The following RALGAPA1 variants were observed in gnomAD, a reference collection of about 807,000 sequenced individuals.
RALGAPA1 encodes ral GTPase-activating protein subunit alpha-1.
RALGAPA1 carries 52 observed loss-of-function variants against 269.6 expected under a neutral mutation model. The ratio of observed to expected loss-of-function variants is 0.19; its 90% CI spans 0.15 to 0.24. The LOEUF (loss-of-function observed/expected upper bound fraction) is 0.24, where lower values mean the gene tolerates loss of function less well. Among genes scored for constraint, RALGAPA1 ranks in the 10% least tolerant of loss-of-function variants. The probability of loss-of-function intolerance (pLI) is 1.00; values close to 1 mark genes in which losing one functional copy is unlikely to be tolerated. For missense variants in RALGAPA1, 1,917 were observed against 3,013.9 expected (o/e 0.64, Z 8.52); for synonymous variants, 817 against 1,008.3 (o/e 0.81, Z 3.60).
At chr14:35,609,032 C>T (rs2059759475) in intron 35 of RALGAPA1, among the ~76,000 whole-genome samples, 1 of 152,118 alleles carries the variant, frequency 6.6e-6, no homozygotes, top group South Asian at 2.1e-4. Context: ...CGAGATCATC[C>T]TGGCTAACAC....
chr14:35,678,780 T>C (rs1595104365), intron 21 of RALGAPA1, among the ~76,000 whole-genome samples: 2 of 152,184 alleles, frequency 1.3e-5, no homozygotes, highest in South Asian at 4.1e-4. Flanking sequence ...TAGAGTATTA[T>C]TGCATCATAC....
chr14:35,740,685 G>A (rs1418551258), intron 11 of RALGAPA1, among the ~76,000 whole-genome samples: 1 of 152,132 alleles, frequency 6.6e-6, no homozygotes, highest in Non-Finnish European at 1.5e-5. Flanking sequence ...GCGAGTGCCT[G>A]TAGTCCCAGC....
rs1395183450 is a variant in RALGAPA1 at position 35,627,670 on chromosome 14, C to A, written c.6277G>T (p.Gly2093Cys). 1 of 1,576,088 alleles carries A rather than the reference C, an allele frequency of 6.3e-7. No homozygotes were observed. Among genetic ancestry groups the A allele is most frequent in the Non-Finnish European group, 8.6e-7 (1 of 1,162,036 alleles). Residue 2093 changes from glycine (G) to cysteine (C), a missense_variant, in exon 34 of 42, where the codon GGC (glycine) becomes TGC (cysteine). Around this residue, in one of 11 missense-constraint regions of RALGAPA1, gnomAD observed 346 missense variants for 566.1 expected, o/e 0.61. Coordinates refer to ENST00000680220, the MANE Select transcript of RALGAPA1 (RefSeq NM_001346249.2). Reference protein sequence around the residue: ...ENMPGGGLSAGLASANSNVRI... With the variant: ...ENMPGGGLSACLASANSNVRI... ...ACATTTGAATTGGCTGATGCAAGGCCAGCAGATAAACCTCCTCCAGGCATA... is the reference window on the plus strand; with the variant it reads ...ACATTTGAATTGGCTGATGCAAGGCAAGCAGATAAACCTCCTCCAGGCATA...
intron 37 of RALGAPA1, among the ~76,000 whole-genome samples, chr14:35,584,040 AGTGAGG>A (rs1226854974): frequency 1.3e-5 from 2 of 152,192 alleles, no homozygotes; most frequent in African/African-American, 4.8e-5. Context: ...AGAATGAATA[AGTGAGG>A]GTAAATTAAA....
chr14:35,683,750 A>T lies in RALGAPA1; in HGVS notation c.4471+59T>A, dbSNP rs149331946. 2.3e-6 allele frequency: 3 copies of T among 1,331,748 alleles called. No homozygotes were observed. In the African/African-American group the frequency reaches 4.4e-5, roughly 20 times the overall value. The allele number at this position is 1,331,748 out of a possible 1,614,324, so 82.5% of individuals were successfully genotyped here. On this transcript the variant is annotated intron_variant, in intron 21 of 41. Transcript: ENST00000680220. ...CTTAAAATCTCTCAAAATTTTAATC[A>T]AATTCTTTGAAGGCTTAAAAAATAC...
chr14:35,619,883 G>A (rs923309065), intron 35 of RALGAPA1, among the ~76,000 whole-genome samples: 6 of 152,046 alleles, frequency 3.9e-5, no homozygotes, highest in African/African-American at 1.4e-4. Flanking sequence ...AACAGTCCAG[G>A]ACTACAAACC....
chr14:35,755,923 T>C (rs996638219), intron 7 of RALGAPA1, among the ~76,000 whole-genome samples: 2 of 152,192 alleles, frequency 1.3e-5, no homozygotes, highest in Non-Finnish European at 2.9e-5. Flanking sequence ...CATCAGTCAA[T>C]CAGGGTATGC....
rs193090945 is a variant in RALGAPA1, at chr14:35,788,550, T to A, written c.107-12805A>T. On this transcript the variant is annotated intron_variant, in intron 1 of 41. Transcript: ENST00000680220. Reference sequence around the variant, plus strand: ...CTGTAATCCCAGTGCTTTAGGAGACTAAGGCAGGAGGATCACATGAGGCCA... The same window carrying A: ...CTGTAATCCCAGTGCTTTAGGAGACAAAGGCAGGAGGATCACATGAGGCCA... Among the ~76,000 whole-genome samples the A allele has an allele frequency of 1.2e-4, 18 of 152,274 alleles. No individual in the cohort carries two copies. The East Asian group carries it at 3.5e-3, about 29-fold the overall frequency.
intron 37 of RALGAPA1, among the ~76,000 whole-genome samples, chr14:35,579,606 C>A (rs1315290690): frequency 5.4e-3 from 713 of 132,886 alleles, no homozygotes; most frequent in Non-Finnish European, 5.6e-3. Context: ...GACTCCGTCT[C>A]AAAAAAAAAA....
Position 35,614,546 on chromosome 14 carries a change from T to C in RALGAPA1, c.6930-8837A>G, listed in dbSNP as rs563196502. Among the ~76,000 whole-genome samples the C allele has an allele frequency of 2.0e-5, 3 of 152,220 alleles. No homozygotes were observed. The South Asian group carries it at 6.2e-4, about 32-fold the overall frequency. On this transcript the variant is annotated intron_variant, in intron 35 of 41. Transcript: ENST00000680220. ...AGAGACAGAAAGTAGATATGTGTTA[T>C]CTAAGGCTGGGGGGAAAGAAAGGCT...
intron 4 of RALGAPA1, chr14:35,766,613 G>A: frequency 1.4e-6 from 1 of 740,188 alleles, no homozygotes; most frequent in Non-Finnish European, 2.5e-6. Context: ...CTGAAGCCAT[G>A]TATGCTGCAA....
intron 6 of RALGAPA1, among the ~76,000 whole-genome samples, chr14:35,757,645 T>TA (rs1439946650): frequency 2.0e-5 from 3 of 152,340 alleles, no homozygotes; most frequent in East Asian, 3.9e-4. Flanking sequence ...TGTTAACACT[T>TA]ACAAAATAAG....
rs1353270573 is a variant in RALGAPA1, at chr14:35,683,851, G to A, written c.4429C>T (p.Leu1477Phe). ...TLHIDSETSS[L>F]NQQAFSAEVA... is the part of the protein sequence containing the mutation. ...TCAGCAGAGAAAGCTTGCTGATTAA[G>A]ACTGCTTGTTTCAGAATCTATATGA... Residue 1477 changes from leucine to phenylalanine, a missense_variant, in exon 21 of 42, where the codon CTT becomes TTT. Around this residue, in one of 11 missense-constraint regions of RALGAPA1, gnomAD observed 615 missense variants for 790.0 expected, o/e 0.78. Coordinates refer to ENST00000680220, the MANE Select transcript of RALGAPA1 (RefSeq NM_001346249.2). 3 of 1,610,854 alleles carry A rather than the reference G, an allele frequency of 1.9e-6. No individual in the cohort carries two copies. The Admixed American group carries it at 5.0e-5, about 27-fold the overall frequency.
intron 4 of RALGAPA1, 67 bp from the exon 5 acceptor site, chr14:35,762,820 G>A (rs17103516): frequency 0.091 from 89,684 of 990,488 alleles, 7,683 homozygotes; most frequent in East Asian, 0.43. Context: ...GTTCTCGGTC[G>A]GACTTGAAAA....
At chr14:35,630,063 C>T (rs754784956) in intron 33 of RALGAPA1, among the ~76,000 whole-genome samples, 30 of 152,154 alleles carry the variant, frequency 2.0e-4, no homozygotes, top group Non-Finnish European at 3.1e-4. Context: ...ATTTTCAAGG[C>T]TTTAGCCTTC....
At chr14:35,797,575 G>A (rs2076664743) in intron 1 of RALGAPA1, among the ~76,000 whole-genome samples, 2 of 151,984 alleles carry the variant, frequency 1.3e-5, no homozygotes, top group South Asian at 2.1e-4. Flanking sequence ...GCCGGGTGCA[G>A]TGGCTCACGC....
chr14:35,694,584 T>C (rs1353674321), intron 17 of RALGAPA1, among the ~76,000 whole-genome samples: 1 of 152,164 alleles, frequency 6.6e-6, no homozygotes, highest in Non-Finnish European at 1.5e-5. Flanking sequence ...CTCAATAGTT[T>C]TCATTTAAAC....
chr14:35,809,292 G>C lies in RALGAPA1; in HGVS notation c.-457C>G, dbSNP rs528644587. On this transcript the variant is annotated 5_prime_UTR_variant, in exon 1 of 42. Transcript: ENST00000680220. The stretch of plus-strand genomic sequence containing the variant: ...CCTGCAGAGGCCGAAACGGAGACGA[G>C]TGTGGTAGTGATGGGGTTTCACGAC... The C allele has an allele frequency of 6.4e-6, 1 of 156,458 alleles. No individual in the cohort carries two copies. Among genetic ancestry groups the C allele is most frequent in the Non-Finnish European group, 1.4e-5 (1 of 71,132 alleles). The allele number at this position is 156,458 out of a possible 1,614,324, so 9.7% of individuals were successfully genotyped here.
At chr14:35,770,189 T>C (rs889228061) in intron 4 of RALGAPA1, among the ~76,000 whole-genome samples, 23 of 152,112 alleles carry the variant, frequency 1.5e-4, no homozygotes, top group Non-Finnish European at 2.8e-4. Context: ...ATCGCATCAA[T>C]AGATGGAGAA....
Sources: gnomAD v4.1 joint callset for allele counts (sites outside exome capture counted in the v4.1 genomes callset) on GRCh38, gnomAD v4.1.1 for gene constraint, gnomAD v4.1.1 regional missense constraint, MANE v1.5 for transcripts, NCBI Gene and HGNC (gene_info 2026-07-23, HGNC 2026-07-21) for gene names.